The following RGS7BP variants were observed in gnomAD, a reference collection of about 807,000 sequenced individuals.
RGS7BP encodes the protein regulator of G protein signaling 7-binding protein.
RGS7BP carries 9 observed loss-of-function variants against 31.3 expected under a neutral mutation model. That is an observed-to-expected ratio of 0.29 (90% CI 0.17 to 0.50). The LOEUF is 0.50. Ranked by LOEUF, RGS7BP falls within the 20% of genes least tolerant of loss-of-function variation. The probability of loss-of-function intolerance (pLI) is 0.98; values close to 1 mark genes in which losing one functional copy is unlikely to be tolerated. For missense variants in RGS7BP, 274 were observed against 322.0 expected, an observed-to-expected ratio of 0.85 and a Z score of 1.14; for synonymous variants, 115 against 120.1, an observed-to-expected ratio of 0.96 and a Z score of 0.28.
rs1423740473 is a variant in RGS7BP, at chr5:64,606,039, T to TATATAGAG, written c.683-3121_683-3120insTATAGAGA. Among the ~76,000 whole-genome samples, 123 of 123,714 alleles carry TATATAGAG rather than the reference T, an allele frequency of 9.9e-4. 4 individuals carry two copies. The highest frequency in any genetic ancestry group is 3.7e-3 in the African/African-American group (121 of 32,314). The allele number at this position is 123,714 out of a possible 152,430, so 81.2% of individuals were successfully genotyped here. A position where few individuals can be genotyped will look rare whatever the true frequency, so the allele number is the denominator to read the frequency against. On this transcript the variant is annotated intron_variant, in intron 5 of 5. Transcript: ENST00000334025. The stretch of plus-strand genomic sequence containing the variant: ...CTGGATACATATATATATATATATA[T>TATATAGAG]AGAGAGAGAGAGAGAGAGAGAAGGC...
rs372992231 is a variant in RGS7BP, at chr5:64,606,039, T to TAGAGAG, written c.683-3106_683-3101dup. Reference sequence around the variant, plus strand: ...CTGGATACATATATATATATATATATAGAGAGAGAGAGAGAGAGAGAAGGC... The same window carrying TAGAGAG: ...CTGGATACATATATATATATATATATAGAGAGAGAGAGAGAGAGAGAGAGAGAAGGC... On this transcript the variant is annotated intron_variant, in intron 5 of 5. Transcript: ENST00000334025. Among the ~76,000 whole-genome samples the TAGAGAG allele has an allele frequency of 3.3e-4, 41 of 123,708 alleles. 1 individual carries two copies. The highest frequency in any genetic ancestry group is 1.2e-3 in the African/African-American group (38 of 32,310). 81.2% of individuals were successfully genotyped at this position (123,708 alleles called of 152,430 possible).
rs1023345278 is a variant in RGS7BP at position 64,549,540 on chromosome 5, G to C, written c.333-26234G>C. Among the ~76,000 whole-genome samples, 7 of 152,150 alleles carry C rather than the reference G, an allele frequency of 4.6e-5. No homozygotes were observed. In the East Asian group the frequency reaches 1.2e-3, roughly 25 times the overall value. ...CTTGAAATTTCTGAATCACCTTCAG[G>C]GTCATTTTTTCTTCTTCTTGAAGAA... On this transcript the variant is annotated intron_variant, in intron 2 of 5. Coordinates refer to ENST00000334025, the MANE Select transcript of RGS7BP (RefSeq NM_001029875.3).
At chr5:64,591,849 A>G (rs1055601759) in intron 3 of RGS7BP, among the ~76,000 whole-genome samples, 1 of 152,176 alleles carries the variant, frequency 6.6e-6, no homozygotes, top group East Asian at 1.9e-4. Context: ...ATCTATTGAG[A>G]TACTACTGTG....
intron 3 of RGS7BP, among the ~76,000 whole-genome samples, chr5:64,590,479 T>C (rs964199766): frequency 1.3e-5 from 2 of 151,890 alleles, no homozygotes; most frequent in African/African-American, 4.8e-5. Context: ...TTCAACTTTA[T>C]GCTATTAAAA....
At chr5:64,518,397 A>G (rs1040827536) in intron 2 of RGS7BP, among the ~76,000 whole-genome samples, 2 of 151,584 alleles carry the variant, frequency 1.3e-5, no homozygotes, top group African/African-American at 2.4e-5. Context: ...GAGAAGAAAC[A>G]AACAAAAGAG....
intron 3 of RGS7BP, among the ~76,000 whole-genome samples, chr5:64,590,966 G>T (rs919792199): frequency 1.3e-5 from 2 of 151,930 alleles, no homozygotes; most frequent in African/African-American, 4.8e-5. Context: ...AATTACAGAT[G>T]AATTATAGAA....
intron 2 of RGS7BP, among the ~76,000 whole-genome samples, chr5:64,548,768 A>C (rs1333993662): frequency 6.6e-6 from 1 of 151,888 alleles, no homozygotes; most frequent in Admixed American, 6.6e-5. Context: ...CGGCCTCCCA[A>C]GGTGCTGGGA....
At chr5:64,590,997 C>G (rs1030169192) in intron 3 of RGS7BP, among the ~76,000 whole-genome samples, 77 of 151,916 alleles carry the variant, frequency 5.1e-4, no homozygotes, top group African/African-American at 1.7e-3. Context: ...CAAAACTGTG[C>G]AAGTATTAGA....
At chr5:64,580,162 T>C (rs1450693810) in intron 3 of RGS7BP, among the ~76,000 whole-genome samples, 1 of 152,152 alleles carries the variant, frequency 6.6e-6, no homozygotes, top group Non-Finnish European at 1.5e-5. Flanking sequence ...AGTATTAAAC[T>C]ATAACAGAAG....
intron 2 of RGS7BP, among the ~76,000 whole-genome samples, chr5:64,566,691 G>A (rs1247712998): frequency 1.3e-5 from 2 of 151,832 alleles, no homozygotes; most frequent in African/African-American, 4.8e-5. Context: ...TCTCAGTAGG[G>A]GAAATTCCCT....
chr5:64,536,871 A>C (rs1387227491), intron 2 of RGS7BP, among the ~76,000 whole-genome samples: 1 of 152,186 alleles, frequency 6.6e-6, no homozygotes, highest in Admixed American at 6.5e-5. Flanking sequence ...AATTAATTTG[A>C]TGAGCTAGTA....
intron 2 of RGS7BP, among the ~76,000 whole-genome samples, chr5:64,556,435 A>ACC (rs1741928194): frequency 6.8e-6 from 1 of 146,906 alleles, no homozygotes; most frequent in African/African-American, 2.7e-5. Context: ...ACACACACAC[A>ACC]CACACACACA....
intron 2 of RGS7BP, among the ~76,000 whole-genome samples, chr5:64,568,476 T>C (rs1196163095): frequency 3.9e-5 from 6 of 152,120 alleles, no homozygotes; most frequent in South Asian, 2.1e-4. Flanking sequence ...ATTTAAGAAA[T>C]GGTGCCTTGT....
At chr5:64,569,957 C>T (rs1742267805) in intron 2 of RGS7BP, among the ~76,000 whole-genome samples, 1 of 152,068 alleles carries the variant, frequency 6.6e-6, no homozygotes, top group South Asian at 2.1e-4. Context: ...AAAAGAGAAA[C>T]TTAGATATAT....
At chr5:64,512,296 A>C (rs1258023120) in intron 2 of RGS7BP, among the ~76,000 whole-genome samples, 1 of 152,036 alleles carries the variant, frequency 6.6e-6, no homozygotes, top group Non-Finnish European at 1.5e-5. Context: ...GGGAAAGAGC[A>C]CTGATTCTAA....
chr5:64,592,893 C>G (rs71626550), intron 3 of RGS7BP, among the ~76,000 whole-genome samples: 2,149 of 152,280 alleles, frequency 0.014, 47 homozygotes, highest in African/African-American at 0.05. Context: ...AGACTCACAT[C>G]CTAAGGCTGA....
At chr5:64,575,677 T>A in intron 2 of RGS7BP, 97 bp from the exon 3 acceptor site, 1 of 1,476,940 alleles carries the variant, frequency 6.8e-7, no homozygotes, top group Non-Finnish European at 9.0e-7. Flanking sequence ...CTTTAAGGAA[T>A]CTTTATTGAG....
intron 2 of RGS7BP, among the ~76,000 whole-genome samples, chr5:64,519,710 C>A (rs577207240): frequency 6.6e-6 from 1 of 152,142 alleles, no homozygotes; most frequent in African/African-American, 2.4e-5. Context: ...TCCCTTTGCA[C>A]ATATAATTCA....
intron 2 of RGS7BP, among the ~76,000 whole-genome samples, chr5:64,534,093 G>C (rs190959835): frequency 6.6e-6 from 1 of 152,300 alleles, no homozygotes; most frequent in Non-Finnish European, 1.5e-5. Context: ...AGGTACCCAG[G>C]AAAGTCCTTT....
Sources: gnomAD v4.1 joint callset for allele counts (sites outside exome capture counted in the v4.1 genomes callset) on GRCh38, gnomAD v4.1.1 for gene constraint, MANE v1.5 for transcripts, NCBI Gene and HGNC (gene_info 2026-07-23, HGNC 2026-07-21) for gene names.